The following CSMD3 variants were observed in gnomAD, a reference collection of about 807,000 sequenced individuals.
CSMD3 encodes CUB and sushi domain-containing protein 3.
In CSMD3, 177 loss-of-function variants were observed where a neutral mutation model predicts 435.2. The observed-to-expected ratio is 0.41, with a 90% CI of 0.36 to 0.46. CSMD3 has a LOEUF of 0.46. Ranked by LOEUF, CSMD3 falls within the 20% of genes least tolerant of loss-of-function variation. CSMD3 has a pLI of 0.34. For synonymous variants in CSMD3, 1,656 were observed against 1,520.5 expected (o/e 1.09, Z -2.07); for missense variants, 4,265 against 4,504.6 (o/e 0.95, Z 1.52).
intron 5 of CSMD3, among the ~76,000 whole-genome samples, chr8:113,036,575 G>A (rs1211947623): frequency 1.3e-5 from 2 of 151,994 alleles, no homozygotes; most frequent in Non-Finnish European, 2.9e-5. Flanking sequence ...AGAGCAACAT[G>A]TGCAGAAAGG....
chr8:112,827,698 A>G (rs1426849988), intron 12 of CSMD3, among the ~76,000 whole-genome samples: 2 of 152,196 alleles, frequency 1.3e-5, no homozygotes, highest in Non-Finnish European at 2.9e-5. Flanking sequence ...CTTGCAAAAC[A>G]ATGAATAAAT....
At chr8:112,528,216 C>T (rs925483982) in intron 27 of CSMD3, among the ~76,000 whole-genome samples, 1 of 151,878 alleles carries the variant, frequency 6.6e-6, no homozygotes, top group Non-Finnish European at 1.5e-5. Context: ...AATATAAGTA[C>T]TAAAAATTTA....
chr8:113,213,512 T>C (rs917138662), intron 3 of CSMD3, among the ~76,000 whole-genome samples: 1 of 135,430 alleles, frequency 7.4e-6, no homozygotes, highest in African/African-American at 3.1e-5. Flanking sequence ...CTTTTGTGTG[T>C]TTTTTTTTTA....
At chr8:112,253,961 T>C (rs1323540260) in intron 63 of CSMD3, among the ~76,000 whole-genome samples, 1 of 152,038 alleles carries the variant, frequency 6.6e-6, no homozygotes, top group Non-Finnish European at 1.5e-5. Context: ...TCCCTCACTC[T>C]TACTGTCTTA....
At chr8:112,590,844 T>A (rs186352718) in intron 22 of CSMD3, among the ~76,000 whole-genome samples, 20 of 152,182 alleles carry the variant, frequency 1.3e-4, no homozygotes, top group Admixed American at 6.5e-4. Context: ...GGATCTTGTT[T>A]CTCTCATGTC....
rs1030320924 is a variant in CSMD3, at chr8:112,685,473, G to A, written c.2415C>T (p.His805=). ...CAGCCTGAAATTCCAATCGCAGTAT[G>A]TGACTATTACTAGTAAGATGGGAAG... The part of the protein sequence containing the change: ...EVPSHLTSNS[H]ILRLEFQADH... Residue 805 remains histidine, a synonymous_variant, in exon 15 of 71, where the codon CAC becomes CAT. Coordinates refer to ENST00000297405, the MANE Select transcript of CSMD3 (RefSeq NM_198123.2). 6.2e-7 allele frequency: 1 copy of A among 1,613,894 alleles called. No individual in the cohort carries two copies. The highest frequency in any genetic ancestry group is 1.3e-5 in the African/African-American group (1 of 74,922).
At chr8:112,511,743 C>T (rs1248569453) in intron 28 of CSMD3, among the ~76,000 whole-genome samples, 3 of 152,064 alleles carry the variant, frequency 2.0e-5, no homozygotes, top group Non-Finnish European at 2.9e-5. Context: ...ACTGGATTTC[C>T]GCGTAGCATG....
At chr8:112,666,464 G>C (rs74719512) in intron 16 of CSMD3, 49 bp from the exon 17 acceptor site, 2 of 1,533,648 alleles carry the variant, frequency 1.3e-6, no homozygotes, top group Non-Finnish European at 9.0e-7. Context: ...AAGATAAATC[G>C]CAGATATTAT....
chr8:112,618,817 A>C (rs1439641757), intron 22 of CSMD3, among the ~76,000 whole-genome samples: 1 of 152,084 alleles, frequency 6.6e-6, no homozygotes, highest in Non-Finnish European at 1.5e-5. Flanking sequence ...ATATTATAAA[A>C]TATATTCATG....
intron 32 of CSMD3, among the ~76,000 whole-genome samples, chr8:112,433,684 A>G (rs1445082176): frequency 1.3e-5 from 2 of 151,116 alleles, no homozygotes; most frequent in Admixed American, 6.6e-5. Flanking sequence ...AAAGAAAGAA[A>G]GAAAAAAGAA....
At chr8:112,871,349 A>G (rs569450749) in intron 10 of CSMD3, among the ~76,000 whole-genome samples, 47 of 152,336 alleles carry the variant, frequency 3.1e-4, no homozygotes, top group African/African-American at 1.0e-3. Flanking sequence ...ATGTTTTCCA[A>G]ATACTTCTAA....
chr8:112,578,644 C>T (rs755330359), intron 23 of CSMD3, among the ~76,000 whole-genome samples: 28 of 151,952 alleles, frequency 1.8e-4, no homozygotes, highest in South Asian at 4.1e-4. Flanking sequence ...TATACTTGTA[C>T]ATAAGGTTTT....
intron 6 of CSMD3, among the ~76,000 whole-genome samples, chr8:112,999,372 A>G (rs944749622): frequency 2.0e-5 from 3 of 151,820 alleles, no homozygotes; most frequent in African/African-American, 4.8e-5. Flanking sequence ...AAATGCAAAA[A>G]CCCTATGACA....
chr8:112,427,731 A>AT (rs1237318930), intron 32 of CSMD3, among the ~76,000 whole-genome samples: 1 of 152,158 alleles, frequency 6.6e-6, no homozygotes, highest in African/African-American at 2.4e-5. Context: ...ATCCTACAGT[A>AT]TATCTTTCCA....
At chr8:112,682,020 G>A (rs2075908728) in intron 16 of CSMD3, among the ~76,000 whole-genome samples, 1 of 151,876 alleles carries the variant, frequency 6.6e-6, no homozygotes, top group Non-Finnish European at 1.5e-5. Flanking sequence ...ATAAATGGGT[G>A]TTTTAGCTTA....
chr8:112,279,013 A>AAACAAC (rs200149218), intron 59 of CSMD3, among the ~76,000 whole-genome samples: 71 of 119,234 alleles, frequency 6.0e-4, no homozygotes, highest in South Asian at 1.3e-3. Flanking sequence ...CACCCCCAAA[A>AAACAAC]AACAACAACA....
intron 1 of CSMD3, among the ~76,000 whole-genome samples, chr8:113,380,974 T>C (rs2094412691): frequency 2.0e-5 from 3 of 152,132 alleles, no homozygotes. Context: ...TCTCACTTCT[T>C]CCCTCAGGCC....
At chr8:113,089,263 A>T (rs1318162393) in intron 5 of CSMD3, among the ~76,000 whole-genome samples, 1 of 152,164 alleles carries the variant, frequency 6.6e-6, no homozygotes, top group Non-Finnish European at 1.5e-5. Flanking sequence ...TTATTCCTGG[A>T]ACAATGGAAG....
rs1417674490 is a variant in CSMD3 at position 112,234,491 on chromosome 8, G to C, written c.10628-14C>G. ...TTTTATATACCCCTGTAAAATGCAAGGACATTTTAGTCTACTTAACTTTGT... is the reference window on the plus strand; with the variant it reads ...TTTTATATACCCCTGTAAAATGCAACGACATTTTAGTCTACTTAACTTTGT... On this transcript the variant is annotated splice_polypyrimidine_tract_variant and intron_variant, in intron 67 of 70. Transcript: ENST00000297405. 1 of 1,384,924 alleles carries C rather than the reference G, an allele frequency of 7.2e-7. No homozygotes were observed. The highest frequency in any genetic ancestry group is 1.0e-6 in the Non-Finnish European group (1 of 971,614). 85.8% of individuals were successfully genotyped at this position (1,384,924 alleles called of 1,614,324 possible).
Sources: allele counts gnomAD v4.1 joint callset (sites outside exome capture counted in the v4.1 genomes callset), GRCh38; gene constraint gnomAD v4.1.1; transcripts MANE v1.5; gene names NCBI Gene and HGNC (gene_info 2026-07-23, HGNC 2026-07-21).